Variants in EFL1 observed in about 807,000 individuals in gnomAD.
The protein encoded by EFL1 is elongation factor like GTPase 1, also known as elongation factor-like GTPase 1.
A neutral mutation model predicts 126.7 loss-of-function variants in EFL1; 76 were observed. That is an observed-to-expected ratio of 0.60 (90% CI 0.50 to 0.73). EFL1 has a LOEUF of 0.73. EFL1 is among the 30% of genes least tolerant of loss of function. The pLI is 0.00. For synonymous variants in EFL1, 410 were observed against 448.4 expected (o/e 0.91, Z 1.08); for missense variants, 1,128 against 1,343.2 (o/e 0.84, Z 2.50).
chr15:82,197,691 C>A (rs189419408), intron 15 of EFL1, among the ~76,000 whole-genome samples: 1 of 151,864 alleles, frequency 6.6e-6, no homozygotes, highest in Non-Finnish European at 1.5e-5. Flanking sequence ...TGAAACAATG[C>A]CTTTAGTAGT....
At chr15:82,160,287 T>C (rs1370027567) in intron 16 of EFL1, among the ~76,000 whole-genome samples, 1 of 152,198 alleles carries the variant, frequency 6.6e-6, no homozygotes, top group Non-Finnish European at 1.5e-5. Context: ...GGAAGTACAG[T>C]TAAACCTTCA....
chr15:82,228,263 G>T lies in EFL1; in HGVS notation c.997C>A (p.Arg333=), dbSNP rs200284482. Residue 333 remains arginine (R), a synonymous_variant, in exon 10 of 20, where the codon CGA becomes AGA. Coordinates refer to ENST00000268206, the MANE Select transcript of EFL1 (RefSeq NM_024580.6). Reference sequence around the variant, plus strand: ...ATCTGAACTTTAGGGTCTGAATGTCGTGCCTCCCGGGCTCCAATTTTTAAT... The same window carrying T: ...ATCTGAACTTTAGGGTCTGAATGTCTTGCCTCCCGGGCTCCAATTTTTAAT... The part of the protein sequence containing the change: ...LGLKIGAREA[R]HSDPKVQINA... 13 of 1,613,900 alleles carry T rather than the reference G, an allele frequency of 8.1e-6. No individual in the cohort carries two copies. The highest frequency in any genetic ancestry group is 1.1e-5 in the Non-Finnish European group (13 of 1,179,964).
intron 15 of EFL1, among the ~76,000 whole-genome samples, chr15:82,164,225 T>C (rs753167198): frequency 2.0e-5 from 3 of 152,068 alleles, no homozygotes; most frequent in African/African-American, 4.8e-5. Flanking sequence ...TTATATCAGA[T>C]TGGGCTAATG....
intron 4 of EFL1, among the ~76,000 whole-genome samples, chr15:82,251,015 C>T (rs1203640794): frequency 6.6e-6 from 1 of 151,966 alleles, no homozygotes; most frequent in African/African-American, 2.4e-5. Context: ...AGTTCAAGAC[C>T]AGCCTGGCCA....
In EFL1 at chr15:82,161,119, G is replaced by A. The variant is rs551854418; in HGVS notation, c.1882+2734C>T. On this transcript the variant is annotated intron_variant, in intron 16 of 19. Coordinates refer to ENST00000268206, the MANE Select transcript of EFL1 (RefSeq NM_024580.6). ...GAAAAGTGGAAGAACAAATGCTCACGATTTGCTTCTCCCTGAAAGAAAAGA... is the reference window on the plus strand; with the variant it reads ...GAAAAGTGGAAGAACAAATGCTCACAATTTGCTTCTCCCTGAAAGAAAAGA... Among the ~76,000 whole-genome samples the A allele has an allele frequency of 4.6e-5, 7 of 152,044 alleles. No individual in the cohort carries two copies. The South Asian group carries it at 1.2e-3, about 27-fold the overall frequency.
chr15:82,248,161 A>G (rs2074990419), intron 4 of EFL1, among the ~76,000 whole-genome samples: 1 of 152,120 alleles, frequency 6.6e-6, no homozygotes, highest in African/African-American at 2.4e-5. Flanking sequence ...CATATGAGAC[A>G]CCTAGCTCAG....
intron 15 of EFL1, among the ~76,000 whole-genome samples, chr15:82,182,003 T>C (rs1383085193): frequency 6.6e-6 from 1 of 152,212 alleles, no homozygotes; most frequent in Non-Finnish European, 1.5e-5. Context: ...CTCACGCCTG[T>C]AATCCCAGCA....
intron 15 of EFL1, among the ~76,000 whole-genome samples, chr15:82,172,909 G>C (rs759350931): frequency 6.6e-6 from 1 of 152,040 alleles, no homozygotes; most frequent in Non-Finnish European, 1.5e-5. Flanking sequence ...GTATTATACT[G>C]ATATTTTTGA....
At chr15:82,252,103 G>T (rs2075027496) in intron 4 of EFL1, among the ~76,000 whole-genome samples, 2 of 151,964 alleles carry the variant, frequency 1.3e-5, no homozygotes, top group Non-Finnish European at 2.9e-5. Flanking sequence ...TTAAACATTT[G>T]TTTTAACAGC....
chr15:82,157,162 A>T (rs1175098993), intron 17 of EFL1, among the ~76,000 whole-genome samples: 1 of 152,182 alleles, frequency 6.6e-6, no homozygotes, highest in Admixed American at 6.5e-5. Context: ...AATGGTGGTT[A>T]TTTCTGCATG....
At chr15:82,210,089 G>C (rs1365069017) in intron 15 of EFL1, among the ~76,000 whole-genome samples, 2 of 152,210 alleles carry the variant, frequency 1.3e-5, no homozygotes, top group South Asian at 2.1e-4. Flanking sequence ...AAAAAAAGAT[G>C]AAGTTTACAG....
At chr15:82,233,494 G>T (rs2074843206) in intron 7 of EFL1, among the ~76,000 whole-genome samples, 1 of 152,118 alleles carries the variant, frequency 6.6e-6, no homozygotes, top group South Asian at 2.1e-4. Context: ...TGCCCTCCAA[G>T]CTACCCAGTA....
chr15:82,253,238 C>T (rs1441855219), intron 3 of EFL1, among the ~76,000 whole-genome samples: 4 of 152,232 alleles, frequency 2.6e-5, no homozygotes, highest in Non-Finnish European at 5.9e-5. Flanking sequence ...CAGGGTTTCG[C>T]CATGCTGGCC....
intron 18 of EFL1, among the ~76,000 whole-genome samples, chr15:82,145,924 C>A (rs2073840899): frequency 1.4e-5 from 2 of 147,832 alleles, no homozygotes; most frequent in South Asian, 2.1e-4. Flanking sequence ...GTGGTTATTA[C>A]CAAAGATTTT....
chr15:82,197,993 A>G (rs1474109851), intron 15 of EFL1, among the ~76,000 whole-genome samples: 1 of 152,204 alleles, frequency 6.6e-6, no homozygotes, highest in Non-Finnish European at 1.5e-5. Context: ...GTGTTAACGA[A>G]ACTGTAGCAC....
At chr15:82,173,151 G>A (rs1023560074) in intron 15 of EFL1, among the ~76,000 whole-genome samples, 19 of 151,646 alleles carry the variant, frequency 1.3e-4, no homozygotes, top group Admixed American at 4.6e-4. Context: ...ACAGGAGATT[G>A]AAAAAATAAA....
chr15:82,223,557 G>A (rs984720532), intron 12 of EFL1, among the ~76,000 whole-genome samples: 4 of 152,142 alleles, frequency 2.6e-5, no homozygotes, highest in Non-Finnish European at 5.9e-5. Flanking sequence ...AGCAAGAAAT[G>A]AAGGATGGGT....
intron 15 of EFL1, among the ~76,000 whole-genome samples, chr15:82,167,840 G>A (rs572247367): frequency 2.4e-4 from 37 of 152,244 alleles, no homozygotes; most frequent in African/African-American, 7.9e-4. Context: ...GGGAAAAAAC[G>A]TTAGAATATG....
rs186283720 is a variant in EFL1 at position 82,146,899 on chromosome 15, T to C, written c.2989+4566A>G. Among the ~76,000 whole-genome samples the C allele has an allele frequency of 7.4e-3, 1,134 of 152,256 alleles. 12 individuals carry two copies. Among genetic ancestry groups the C allele is most frequent in the Non-Finnish European group, 9.2e-3 (628 of 68,008 alleles). On this transcript the variant is annotated intron_variant, in intron 18 of 19. Coordinates refer to ENST00000268206, the MANE Select transcript of EFL1 (RefSeq NM_024580.6). ...ACAAAGAACCCTGAGGGTTAAAATA[T>C]ATATTTCTTCCTGGAAAGTGGCAGA... is the stretch of plus-strand genomic sequence containing the variant.
Sources: gnomAD v4.1 joint callset for allele counts (sites outside exome capture counted in the v4.1 genomes callset) on GRCh38, gnomAD v4.1.1 for gene constraint, MANE v1.5 for transcripts, NCBI Gene and HGNC (gene_info 2026-07-23, HGNC 2026-07-21) for gene names.